Variants in KCNQ3 observed in about 807,000 individuals in gnomAD.
KCNQ3 encodes the protein potassium voltage-gated channel subfamily Q member 3.
KCNQ3 carries 30 observed loss-of-function variants against 92.5 expected under a neutral mutation model. The ratio of observed to expected loss-of-function variants is 0.32; its 90% confidence interval spans 0.24 to 0.44. KCNQ3 has a LOEUF of 0.44. Ranked by LOEUF, KCNQ3 falls within the 20% of genes least tolerant of loss-of-function variation. The probability of loss-of-function intolerance (pLI) is 1.00; values close to 1 mark genes in which losing one functional copy is unlikely to be tolerated. For synonymous variants in KCNQ3, 450 were observed against 468.8 expected, an observed-to-expected ratio of 0.96 and a Z score of 0.52; for missense variants, 913 against 1,140.3, an observed-to-expected ratio of 0.80 and a Z score of 2.87.
chr8:132,238,427 A>ACCGGTACC (rs2130396063), intron 1 of KCNQ3, among the ~76,000 whole-genome samples: 1 of 152,250 alleles, frequency 6.6e-6, no homozygotes, highest in East Asian at 1.9e-4. Flanking sequence ...ACCCTGAAGT[A>ACCGGTACC]CCCTTAGTCT....
intron 1 of KCNQ3, chr8:132,186,458 G>C (rs1317987950): frequency 7.3e-6 from 3 of 412,302 alleles, no homozygotes; most frequent in Non-Finnish European, 1.4e-5. Context: ...ATTTAAACTA[G>C]ATCATCTGGT....
At chr8:132,435,545 T>C (rs1821370811) in intron 1 of KCNQ3, among the ~76,000 whole-genome samples, 1 of 152,210 alleles carries the variant, frequency 6.6e-6, no homozygotes, top group Admixed American at 6.5e-5. Context: ...TTGGGGGATA[T>C]GTTTGTTATC....
chr8:132,368,659 AAAG>A (rs1819388483), intron 1 of KCNQ3, among the ~76,000 whole-genome samples: 1 of 151,948 alleles, frequency 6.6e-6, no homozygotes, highest in African/African-American at 2.4e-5. Flanking sequence ...TCTCAAAAAA[AAAG>A]AAAAGAAAAG....
chr8:132,147,395 G>C (rs1825484571), intron 9 of KCNQ3, among the ~76,000 whole-genome samples: 2 of 152,192 alleles, frequency 1.3e-5, no homozygotes, highest in Admixed American at 1.3e-4. Flanking sequence ...CAAGTGTGGA[G>C]AAAAAATCAA....
intron 1 of KCNQ3, among the ~76,000 whole-genome samples, chr8:132,239,913 G>A (rs1427839475): frequency 6.6e-6 from 1 of 152,198 alleles, no homozygotes; most frequent in Non-Finnish European, 1.5e-5. Context: ...ATAATCAAAT[G>A]TATGTCAGCT....
At chr8:132,462,158 C>A (rs1487750958) in intron 1 of KCNQ3, among the ~76,000 whole-genome samples, 2 of 150,452 alleles carry the variant, frequency 1.3e-5, no homozygotes, top group African/African-American at 4.9e-5. Context: ...ACTAAAACCA[C>A]TGAATTGTAC....
intron 1 of KCNQ3, among the ~76,000 whole-genome samples, chr8:132,324,866 C>G (rs1219665262): frequency 6.6e-6 from 1 of 152,166 alleles, no homozygotes; most frequent in African/African-American, 2.4e-5. Context: ...CCTTCCTGAG[C>G]TTTCCTGCAA....
chr8:132,346,237 C>T (rs1362480730), intron 1 of KCNQ3, among the ~76,000 whole-genome samples: 2 of 152,142 alleles, frequency 1.3e-5, no homozygotes, highest in Non-Finnish European at 2.9e-5. Context: ...ACAAGTGGGT[C>T]TGGAACTTTA....
intron 11 of KCNQ3, 149 bp from the exon 12 acceptor site, chr8:132,138,165 T>G: frequency 8.4e-6 from 7 of 838,024 alleles, no homozygotes; most frequent in African/African-American, 1.7e-5. Context: ...GTTCTGGTTC[T>G]ACCCCTTGGA....
intron 1 of KCNQ3, among the ~76,000 whole-genome samples, chr8:132,197,039 T>C (rs184831157): frequency 2.7e-4 from 41 of 151,844 alleles, no homozygotes; most frequent in African/African-American, 9.7e-4. Context: ...TGCCATTTTA[T>C]GAGACCTGGG....
intron 1 of KCNQ3, among the ~76,000 whole-genome samples, chr8:132,250,017 C>T (rs913324486): frequency 1.3e-5 from 2 of 152,160 alleles, no homozygotes; most frequent in Non-Finnish European, 2.9e-5. Flanking sequence ...TGCACAGCCC[C>T]AGTTCCCACC....
intron 1 of KCNQ3, among the ~76,000 whole-genome samples, chr8:132,345,369 G>T (rs1818655887): frequency 6.6e-6 from 1 of 152,164 alleles, no homozygotes; most frequent in Non-Finnish European, 1.5e-5. Context: ...GCAGAGTGAT[G>T]GTCCAGGAAC....
chr8:132,258,631 G>A (rs964623245), intron 1 of KCNQ3, among the ~76,000 whole-genome samples: 3 of 151,810 alleles, frequency 2.0e-5, no homozygotes, highest in Non-Finnish European at 4.4e-5. Context: ...CCGTAAAGTA[G>A]GCAGAAGAAG....
intron 1 of KCNQ3, among the ~76,000 whole-genome samples, chr8:132,254,475 G>T (rs1367270314): frequency 6.6e-6 from 1 of 152,180 alleles, no homozygotes; most frequent in South Asian, 2.1e-4. Flanking sequence ...TAATGTGTTT[G>T]TCATATGATA....
intron 1 of KCNQ3, among the ~76,000 whole-genome samples, chr8:132,339,787 T>C (rs1199370229): frequency 2.6e-5 from 4 of 152,140 alleles, no homozygotes; most frequent in Admixed American, 6.5e-5. Flanking sequence ...TTAGAAAGAT[T>C]AGCTTCCCCC....
intron 1 of KCNQ3, among the ~76,000 whole-genome samples, chr8:132,229,243 AGAGT>A (rs1814545731): frequency 6.7e-6 from 1 of 148,434 alleles, no homozygotes; most frequent in African/African-American, 2.5e-5. Context: ...GCCTGGTGAC[AGAGT>A]GAGACTCCGT....
chr8:132,322,671 G>A, intron 1 of KCNQ3, among the ~76,000 whole-genome samples: 1 of 152,256 alleles, frequency 6.6e-6, no homozygotes, highest in Non-Finnish European at 1.5e-5. Context: ...GGCGAAACTG[G>A]GCAGGCAGAC....
At chr8:132,364,255 A>C (rs1819253036) in intron 1 of KCNQ3, among the ~76,000 whole-genome samples, 1 of 152,232 alleles carries the variant, frequency 6.6e-6, no homozygotes, top group Non-Finnish European at 1.5e-5. Flanking sequence ...AGAAGATATA[A>C]TTTGAAACAT....
chr8:132,303,290 T>C (rs762733170), intron 1 of KCNQ3, among the ~76,000 whole-genome samples: 3 of 151,964 alleles, frequency 2.0e-5, no homozygotes, highest in Admixed American at 1.3e-4. Context: ...ACTATGTGTC[T>C]CCCACAGTGA....
Sources: allele counts gnomAD v4.1 joint callset (sites outside exome capture counted in the v4.1 genomes callset), GRCh38; gene constraint gnomAD v4.1.1; transcripts MANE v1.5; gene names NCBI Gene and HGNC (gene_info 2026-07-23, HGNC 2026-07-21).